NF1: variants seen among roughly 807,000 people sequenced by gnomAD.
NF1 encodes neurofibromin 1.
NF1 carries 122 observed loss-of-function variants against 325.7 expected under a neutral mutation model. That is an observed-to-expected ratio of 0.37 (90% CI 0.32 to 0.44). NF1 has a LOEUF of 0.44. Among genes scored for constraint, NF1 ranks in the 20% least tolerant of loss-of-function variants. The pLI is 1.00. For missense variants in NF1, 2,140 were observed against 3,415.4 expected (o/e 0.63, Z 9.31); for synonymous variants, 1,091 against 1,186.0 (o/e 0.92, Z 1.65).
At chr17:31,173,248 G>A (rs12602088) in intron 5 of NF1, among the ~76,000 whole-genome samples, 86,569 of 151,792 alleles carry the variant, frequency 0.57, 27,055 homozygotes, top group Middle Eastern at 0.78. Flanking sequence ...GTCTCTACTA[G>A]AAATACAAAA....
intron 15 of NF1, chr17:31,222,137 A>G: frequency 7.8e-7 from 1 of 1,282,518 alleles, no homozygotes; most frequent in Non-Finnish European, 9.8e-7. Flanking sequence ...ATAAATTTTA[A>G]GAATAGTGCT....
In NF1 at chr17:31,343,045, C is replaced by T. The variant is rs1259241665; in HGVS notation, c.7099C>T (p.Leu2367=). 3 of 1,614,122 alleles carry T rather than the reference C, an allele frequency of 1.9e-6. No homozygotes were observed. Among genetic ancestry groups the T allele is most frequent in the African/African-American group, 1.3e-5 (1 of 75,042 alleles). The part of the protein sequence containing the change: ...EEVFMAIRNP[L]EWHCKQMDHF... Reference sequence around the variant, plus strand: ...AGTATTTATGGCAATCCGGAATCCTCTGGAGTGGCACTGCAAGCAAATGGA... The same window carrying T: ...AGTATTTATGGCAATCCGGAATCCTTTGGAGTGGCACTGCAAGCAAATGGA... The change falls in exon 48 of 58, where the codon CTG becomes TTG. Residue 2367 remains leucine, a synonymous_variant. Coordinates refer to ENST00000358273, the MANE Select transcript of NF1 (RefSeq NM_001042492.3).
At chr17:31,193,497 A>G (rs1426795307) in intron 8 of NF1, among the ~76,000 whole-genome samples, 2 of 152,164 alleles carry the variant, frequency 1.3e-5, no homozygotes, top group Admixed American at 6.6e-5. Context: ...TTTAAATTCC[A>G]TATTGTCAAG....
Position 31,097,710 on chromosome 17 carries a change from T to G in NF1, c.60+2341T>G, listed in dbSNP as rs1001206568. Among the ~76,000 whole-genome samples the G allele has an allele frequency of 8.5e-5, 13 of 152,272 alleles. No homozygotes were observed. The East Asian group carries it at 2.5e-3, about 29-fold the overall frequency. ...AGGAGAGATTATTCCTCACTTTTTTTTTTTGAGACAAGGTCTTGCTCTGTC... is the reference window on the plus strand; with the variant it reads ...AGGAGAGATTATTCCTCACTTTTTTGTTTTGAGACAAGGTCTTGCTCTGTC... On this transcript the variant is annotated intron_variant, in intron 1 of 57. Coordinates refer to ENST00000358273, the MANE Select transcript of NF1 (RefSeq NM_001042492.3).
chr17:31,356,794 G>A, intron 52 of NF1, 166 bp from the exon 53 acceptor site: 2 of 1,194,772 alleles, frequency 1.7e-6, no homozygotes, highest in Non-Finnish European at 2.4e-6. Context: ...TTGTAAATAG[G>A]TAGCCAAAAC....
rs1335377539 is a variant in NF1, at chr17:31,164,755, G to T, written c.479+1379G>T. ...TCAACAATGACATTTCTATAATTAA[G>T]ATCCTAGGCAGCAATATTTTTCAAC... On this transcript the variant is annotated intron_variant, in intron 4 of 57. Transcript: ENST00000358273. Among the ~76,000 whole-genome samples the T allele has an allele frequency of 1.3e-5, 2 of 152,060 alleles. 1 individual carries two copies. The highest frequency in any genetic ancestry group is 2.9e-5 in the Non-Finnish European group (2 of 68,014).
intron 4 of NF1, among the ~76,000 whole-genome samples, chr17:31,168,328 AT>A (rs1176705427): frequency 1.3e-5 from 2 of 152,198 alleles, no homozygotes; most frequent in African/African-American, 4.8e-5. Flanking sequence ...TAATAAATAG[AT>A]TTTTAAGCAT....
intron 48 of NF1, among the ~76,000 whole-genome samples, chr17:31,344,043 G>A (rs1368479219): frequency 6.6e-6 from 1 of 151,216 alleles, no homozygotes; most frequent in Non-Finnish European, 1.5e-5. Flanking sequence ...CAATACCTAA[G>A]TATCTTACTG....
At chr17:31,285,912 A>T (rs1047315029) in intron 36 of NF1, among the ~76,000 whole-genome samples, 2 of 152,214 alleles carry the variant, frequency 1.3e-5, no homozygotes, top group Non-Finnish European at 2.9e-5. Context: ...GTATCATTGG[A>T]GTAAAAGTAT....
chr17:31,184,673 TAAAAA>T (rs1354420768), intron 8 of NF1, among the ~76,000 whole-genome samples: 1 of 146,134 alleles, frequency 6.8e-6, no homozygotes, highest in Admixed American at 6.8e-5. Context: ...AAAAAAAAAA[TAAAAA>T]AATAAAATAG....
At chr17:31,102,532 C>G (rs1345101022) in intron 1 of NF1, among the ~76,000 whole-genome samples, 1 of 151,886 alleles carries the variant, frequency 6.6e-6, no homozygotes, top group Non-Finnish European at 1.5e-5. Flanking sequence ...TGCTTGAGGC[C>G]TTGAATTCAA....
intron 36 of NF1, among the ~76,000 whole-genome samples, chr17:31,324,762 A>G (rs538769665): frequency 5.0e-4 from 76 of 151,662 alleles, no homozygotes; most frequent in African/African-American, 1.8e-3. Flanking sequence ...GCGTTTTGCC[A>G]TGTTGGCCAG....
chr17:31,270,223 A>T (rs1377890335), intron 36 of NF1, among the ~76,000 whole-genome samples: 2 of 152,254 alleles, frequency 1.3e-5, no homozygotes, highest in African/African-American at 4.8e-5. Context: ...TGGAGGAGAT[A>T]GAGGACCAAT....
At chr17:31,370,747 C>T (rs1203362008) in intron 57 of NF1, among the ~76,000 whole-genome samples, 4 of 152,152 alleles carry the variant, frequency 2.6e-5, no homozygotes, top group African/African-American at 9.7e-5. Context: ...CACACAAGAA[C>T]GAGCCCCAGG....
At chr17:31,202,788 T>A (rs2066553204) in intron 11 of NF1, among the ~76,000 whole-genome samples, 1 of 152,182 alleles carries the variant, frequency 6.6e-6, no homozygotes, top group Non-Finnish European at 1.5e-5. Flanking sequence ...AAGGTATGTT[T>A]GTATTAAAAA....
chr17:31,360,827 C>A (rs2151588628), intron 57 of NF1, 124 bp downstream of exon 57: 2 of 816,380 alleles, frequency 2.4e-6, no homozygotes, highest in East Asian at 2.5e-5. Flanking sequence ...CCTTACATTT[C>A]TTCTTTACCT....
chr17:31,125,313 A>G (rs780010849), intron 1 of NF1, among the ~76,000 whole-genome samples: 3 of 151,546 alleles, frequency 2.0e-5, no homozygotes, highest in Non-Finnish European at 4.4e-5. Context: ...TTATTTGTAT[A>G]TATTGTATAT....
At chr17:31,111,144 C>A (rs956925056) in intron 1 of NF1, among the ~76,000 whole-genome samples, 2 of 150,824 alleles carry the variant, frequency 1.3e-5, no homozygotes, top group Non-Finnish European at 2.9e-5. Context: ...CAGTAGCAGA[C>A]TATACACAGC....
At chr17:31,305,297 T>G (rs761914010) in intron 36 of NF1, 1 of 1,614,152 alleles carries the variant, frequency 6.2e-7, no homozygotes, top group South Asian at 1.1e-5. Context: ...TGTTTGGTGT[T>G]GTAGGCAAGT....
Sources: allele counts gnomAD v4.1 joint callset (sites outside exome capture counted in the v4.1 genomes callset), GRCh38; gene constraint gnomAD v4.1.1; transcripts MANE v1.5; gene names NCBI Gene and HGNC (gene_info 2026-07-23, HGNC 2026-07-21).